Variants in SH3GL3 observed in about 807,000 individuals in gnomAD.
SH3GL3 encodes the protein endophilin-A3.
A neutral mutation model predicts 47.7 loss-of-function variants in SH3GL3; 33 were observed. That is an observed-to-expected ratio of 0.69 (90% CI 0.52 to 0.92). The LOEUF is 0.92. SH3GL3 is among the 40% of genes least tolerant of loss of function. SH3GL3 has a pLI of 0.00. For missense variants in SH3GL3, 363 were observed against 417.8 expected (o/e 0.87, Z 1.14); for synonymous variants, 155 against 148.8 (o/e 1.04, Z -0.30).
chr15:83,500,544 G>A (rs1311902292), intron 1 of SH3GL3, among the ~76,000 whole-genome samples: 1 of 152,160 alleles, frequency 6.6e-6, no homozygotes, highest in Non-Finnish European at 1.5e-5. Flanking sequence ...TGCTGCATTG[G>A]GGGCCTAGAA....
chr15:83,613,625 AT>A (rs2060729913), intron 8 of SH3GL3, among the ~76,000 whole-genome samples: 1 of 12,654 alleles, frequency 7.9e-5, no homozygotes, highest in Admixed American at 8.6e-4. Flanking sequence ...ATATAAATCT[AT>A]CTATCTATCT....
intron 1 of SH3GL3, among the ~76,000 whole-genome samples, chr15:83,542,804 A>C (rs976980423): frequency 2.6e-5 from 4 of 152,012 alleles, no homozygotes; most frequent in Non-Finnish European, 4.4e-5. Flanking sequence ...TGATTTTTGT[A>C]TGTTGATTTT....
At chr15:83,592,899 G>A (rs1016668304) in intron 8 of SH3GL3, among the ~76,000 whole-genome samples, 1 of 151,536 alleles carries the variant, frequency 6.6e-6, no homozygotes, top group African/African-American at 2.4e-5. Context: ...TCCTGCATAA[G>A]TTGTCTTCTG....
At chr15:83,573,680 C>G (rs967776634) in intron 5 of SH3GL3, among the ~76,000 whole-genome samples, 2 of 152,142 alleles carry the variant, frequency 1.3e-5, no homozygotes, top group Non-Finnish European at 2.9e-5. Context: ...CTGCTTGGAC[C>G]GTGGGCCTTG....
At chr15:83,466,363 A>G (rs535401888) in intron 1 of SH3GL3, among the ~76,000 whole-genome samples, 11 of 152,088 alleles carry the variant, frequency 7.2e-5, no homozygotes, top group Non-Finnish European at 1.3e-4. Flanking sequence ...TTTCCTGTGA[A>G]TGTAAGTGTG....
intron 8 of SH3GL3, among the ~76,000 whole-genome samples, chr15:83,610,980 A>AAAAAATAT (rs71453206): frequency 8.2e-5 from 12 of 147,014 alleles, no homozygotes; most frequent in African/African-American, 3.0e-4. Flanking sequence ...TCAGCCAAAA[A>AAAAAATAT]ATATATATAT....
intron 1 of SH3GL3, among the ~76,000 whole-genome samples, chr15:83,460,646 A>G (rs1182660291): frequency 6.6e-6 from 1 of 152,188 alleles, no homozygotes; most frequent in Non-Finnish European, 1.5e-5. Flanking sequence ...AAACTGCATC[A>G]TCTTTAATAA....
At chr15:83,530,691 T>C (rs1175419999) in intron 1 of SH3GL3, among the ~76,000 whole-genome samples, 2 of 152,224 alleles carry the variant, frequency 1.3e-5, no homozygotes, top group East Asian at 3.9e-4. Context: ...TGTAAGGCAA[T>C]CTAGACAAAA....
chr15:83,610,980 A>AT (rs1555423248), intron 8 of SH3GL3, among the ~76,000 whole-genome samples: 47 of 147,036 alleles, frequency 3.2e-4, no homozygotes, highest in Admixed American at 6.9e-4. Flanking sequence ...TCAGCCAAAA[A>AT]ATATATATAT....
chr15:83,575,243 T>G (rs1278075357), intron 5 of SH3GL3, among the ~76,000 whole-genome samples: 1 of 152,176 alleles, frequency 6.6e-6, no homozygotes, highest in African/African-American at 2.4e-5. Context: ...ATAGCAAGTT[T>G]TATTTCTTCT....
At chr15:83,468,846 A>G (rs1180703951) in intron 1 of SH3GL3, among the ~76,000 whole-genome samples, 3 of 150,180 alleles carry the variant, frequency 2.0e-5, no homozygotes, top group Non-Finnish European at 3.0e-5. Flanking sequence ...TACCTTAATA[A>G]AATTAACTGG....
intron 8 of SH3GL3, among the ~76,000 whole-genome samples, chr15:83,600,825 G>C (rs2060360286): frequency 6.6e-6 from 1 of 152,176 alleles, no homozygotes. Context: ...CCATCCAAGA[G>C]CATGGGATGT....
At chr15:83,457,076 G>A (rs1404989689) in intron 1 of SH3GL3, among the ~76,000 whole-genome samples, 1 of 152,198 alleles carries the variant, frequency 6.6e-6, no homozygotes, top group African/African-American at 2.4e-5. Context: ...TTATTTCATA[G>A]TAATTTTTCT....
At chr15:83,558,953 C>G (rs2045105729) in intron 1 of SH3GL3, among the ~76,000 whole-genome samples, 1 of 152,124 alleles carries the variant, frequency 6.6e-6, no homozygotes, top group South Asian at 2.1e-4. Flanking sequence ...TGTGTTGACT[C>G]TTTGGGTGAA....
At chr15:83,563,940 T>C (rs1013660565) in intron 2 of SH3GL3, among the ~76,000 whole-genome samples, 1 of 152,238 alleles carries the variant, frequency 6.6e-6, no homozygotes, top group African/African-American at 2.4e-5. Context: ...GCCCAGCCTT[T>C]TCCTTCTTTC....
the SH3GL3 span, among the ~76,000 whole-genome samples, chr15:83,626,878 T>TGG: frequency 2.0e-5 from 3 of 152,198 alleles, no homozygotes; most frequent in African/African-American, 7.2e-5. Flanking sequence ...GCTATTGTGT[T>TGG]TTGTCAGTTA....
intron 1 of SH3GL3, among the ~76,000 whole-genome samples, chr15:83,524,103 T>C (rs1306072917): frequency 6.6e-6 from 1 of 152,204 alleles, no homozygotes; most frequent in Non-Finnish European, 1.5e-5. Context: ...TGAATATGGT[T>C]GGTGTAAGAG....
At chr15:83,622,428 C>G (rs184863142), downstream of SH3GL3, among the ~76,000 whole-genome samples, 1 of 152,168 alleles carries the variant, frequency 6.6e-6, no homozygotes, top group South Asian at 2.1e-4. Context: ...ATTCTCAATG[C>G]CCATAATATG....
chr15:83,449,641 G>C (rs1298875268), intron 1 of SH3GL3, among the ~76,000 whole-genome samples: 1 of 151,852 alleles, frequency 6.6e-6, no homozygotes, highest in East Asian at 1.9e-4. Flanking sequence ...TATTTTGCTA[G>C]TCATGGGTAG....
Sources: gnomAD v4.1 joint callset for allele counts (sites outside exome capture counted in the v4.1 genomes callset) on GRCh38, gnomAD v4.1.1 for gene constraint, MANE v1.5 for transcripts, NCBI Gene and HGNC (gene_info 2026-07-23, HGNC 2026-07-21) for gene names.